Variants in GALNT13 observed in about 807,000 individuals in gnomAD.
The protein encoded by GALNT13 is UDP-GalNAc:polypeptide N-acetylgalactosaminyltransferase 13.
A neutral mutation model predicts 64.2 loss-of-function variants in GALNT13; 28 were observed. The observed-to-expected ratio is 0.44, with a 90% CI of 0.32 to 0.60. The LOEUF (loss-of-function observed/expected upper bound fraction) is 0.60, where lower values mean the gene tolerates loss of function less well. Among genes scored for constraint, GALNT13 ranks in the 20% least tolerant of loss-of-function variants. GALNT13 has a pLI of 0.05. For synonymous variants in GALNT13, 214 were observed against 224.6 expected (o/e 0.95, Z 0.42); for missense variants, 577 against 669.8 (o/e 0.86, Z 1.53).
At chr2:154,406,546 C>G (rs915317936) in intron 10 of GALNT13, among the ~76,000 whole-genome samples, 35 of 152,150 alleles carry the variant, frequency 2.3e-4, no homozygotes, top group African/African-American at 7.7e-4. Flanking sequence ...TTCCCCTGCC[C>G]AAAATGTCCT....
the GALNT13 span, among the ~76,000 whole-genome samples, chr2:153,564,165 A>G: frequency 6.6e-6 from 1 of 151,470 alleles, no homozygotes; most frequent in African/African-American, 2.4e-5. Flanking sequence ...TCGTCACTAG[A>G]TTTTTTTGCA....
chr2:153,268,347 A>G, the GALNT13 span, among the ~76,000 whole-genome samples: 1 of 152,178 alleles, frequency 6.6e-6, no homozygotes, highest in African/African-American at 2.4e-5. Context: ...TAAAATTCCA[A>G]AATGATCACC....
chr2:153,283,910 T>A, the GALNT13 span, among the ~76,000 whole-genome samples: 1 of 152,090 alleles, frequency 6.6e-6, no homozygotes, highest in African/African-American at 2.4e-5. Context: ...AAATTGGTGC[T>A]CCAAATGGCT....
At chr2:154,104,492 A>G (rs1289626728) in intron 3 of GALNT13, among the ~76,000 whole-genome samples, 1 of 152,176 alleles carries the variant, frequency 6.6e-6, no homozygotes, top group African/African-American at 2.4e-5. Context: ...CCTTGGCTAC[A>G]TCCATAGCAT....
At chr2:153,920,814 C>G (rs13004579) in intron 2 of GALNT13, among the ~76,000 whole-genome samples, 1 of 151,964 alleles carries the variant, frequency 6.6e-6, no homozygotes, top group Non-Finnish European at 1.5e-5. Context: ...AGTGGGCAAA[C>G]GACATGAACT....
chr2:153,224,904 A>G, the GALNT13 span, among the ~76,000 whole-genome samples: 1 of 152,228 alleles, frequency 6.6e-6, no homozygotes, highest in Non-Finnish European at 1.5e-5. Context: ...CAAAGCTCCA[A>G]AAAGTAACAT....
chr2:154,375,087 A>G (rs1171218712), intron 9 of GALNT13, among the ~76,000 whole-genome samples: 1 of 152,116 alleles, frequency 6.6e-6, no homozygotes, highest in African/African-American at 2.4e-5. Flanking sequence ...CCCGGGGTTC[A>G]TGCCATTCTC....
chr2:154,032,634 T>TA (rs1345221566), intron 3 of GALNT13, among the ~76,000 whole-genome samples: 1 of 151,898 alleles, frequency 6.6e-6, no homozygotes, highest in African/African-American at 2.4e-5. Context: ...TAATTAATCA[T>TA]ATTAATAAAG....
At chr2:153,395,531 T>A in the GALNT13 span, among the ~76,000 whole-genome samples, 2 of 152,268 alleles carry the variant, frequency 1.3e-5, no homozygotes, top group African/African-American at 4.8e-5. Context: ...CTCACTCTTG[T>A]AGCATTTTCC....
the GALNT13 span, among the ~76,000 whole-genome samples, chr2:153,274,190 C>A: frequency 2.6e-5 from 4 of 151,910 alleles, no homozygotes; most frequent in Non-Finnish European, 5.9e-5. Context: ...GCGACAAGAG[C>A]GAGACTTCAT....
chr2:154,443,263 G>A (rs890943181), intron 12 of GALNT13, among the ~76,000 whole-genome samples: 6 of 151,968 alleles, frequency 3.9e-5, no homozygotes, highest in Non-Finnish European at 8.8e-5. Context: ...CGTCATATTT[G>A]TAGTTCCTAT....
intron 11 of GALNT13, among the ~76,000 whole-genome samples, chr2:154,411,928 A>AT (rs1699813968): frequency 6.6e-6 from 1 of 151,666 alleles, no homozygotes; most frequent in Non-Finnish European, 1.5e-5. Flanking sequence ...TTTCATTCAA[A>AT]TTTTTTCTAA....
chr2:154,047,086 C>G (rs1300018930), intron 3 of GALNT13, among the ~76,000 whole-genome samples: 2 of 152,116 alleles, frequency 1.3e-5, no homozygotes, highest in Non-Finnish European at 2.9e-5. Flanking sequence ...GAGCCCTTCT[C>G]TTACCCTAAC....
intron 2 of GALNT13, among the ~76,000 whole-genome samples, chr2:153,906,705 TAC>T (rs1688588541): frequency 6.6e-6 from 1 of 151,852 alleles, no homozygotes; most frequent in South Asian, 2.1e-4. Context: ...GCAATAAACA[TAC>T]GTGTGCATGT....
the GALNT13 span, among the ~76,000 whole-genome samples, chr2:153,474,584 T>C: frequency 6.6e-6 from 1 of 152,306 alleles, no homozygotes; most frequent in Admixed American, 6.5e-5. Flanking sequence ...GTATCAACAA[T>C]CTTAAGAACA....
At chr2:153,145,038 T>C in the GALNT13 span, among the ~76,000 whole-genome samples, 1 of 151,968 alleles carries the variant, frequency 6.6e-6, no homozygotes, top group Non-Finnish European at 1.5e-5. Context: ...ATGTTTACTT[T>C]ATAAATTACT....
chr2:153,704,154 C>T, the GALNT13 span, among the ~76,000 whole-genome samples: 22 of 152,070 alleles, frequency 1.4e-4, no homozygotes, highest in South Asian at 4.4e-3. Context: ...TAAGGCATTC[C>T]ATTATTCAAA....
intron 9 of GALNT13, among the ~76,000 whole-genome samples, chr2:154,384,456 A>G (rs1488876029): frequency 6.6e-5 from 10 of 151,900 alleles, no homozygotes; most frequent in Admixed American, 5.9e-4. Flanking sequence ...TTAGACTGCC[A>G]TCAATTGAAA....
chr2:153,840,254 A>G, the GALNT13 span, among the ~76,000 whole-genome samples: 5 of 152,084 alleles, frequency 3.3e-5, no homozygotes, highest in East Asian at 9.6e-4. Context: ...TGGGTTTTGA[A>G]AATATTTGGT....
Sources: allele counts gnomAD v4.1 joint callset (sites outside exome capture counted in the v4.1 genomes callset), GRCh38; gene constraint gnomAD v4.1.1; transcripts MANE v1.5; gene names NCBI Gene and HGNC (gene_info 2026-07-23, HGNC 2026-07-21).